RORA: variants seen among roughly 807,000 people sequenced by gnomAD.
RORA encodes the protein RAR related orphan receptor A.
RORA carries 7 observed loss-of-function variants against 69.5 expected under a neutral mutation model. The observed-to-expected ratio is 0.10, with a 90% confidence interval of 0.06 to 0.19. RORA has a LOEUF of 0.19. Among genes scored for constraint, RORA ranks in the 10% least tolerant of loss-of-function variants. The pLI, the probability that RORA is intolerant of heterozygous loss-of-function variation, is 1.00. For synonymous variants in RORA, 261 were observed against 240.8 expected, an observed-to-expected ratio of 1.08 and a Z score of -0.78; for missense variants, 457 against 663.0, an observed-to-expected ratio of 0.69 and a Z score of 3.41.
intron 1 of RORA, among the ~76,000 whole-genome samples, chr15:60,780,553 T>C (rs1453306483): frequency 5.9e-5 from 9 of 152,262 alleles, no homozygotes; most frequent in Admixed American, 2.6e-4. Context: ...GAGAAACTAT[T>C]TAAAAACAAG....
At chr15:60,885,754 T>A (rs991834046) in intron 1 of RORA, among the ~76,000 whole-genome samples, 3 of 152,264 alleles carry the variant, frequency 2.0e-5, no homozygotes, top group African/African-American at 7.2e-5. Flanking sequence ...TGCCATTTGC[T>A]CTGCAGTATA....
chr15:60,809,692 A>G (rs943863918), intron 1 of RORA, among the ~76,000 whole-genome samples: 2 of 152,030 alleles, frequency 1.3e-5, no homozygotes, highest in African/African-American at 2.4e-5. Context: ...GGTTGGATCA[A>G]TATTCTGTGC....
chr15:60,738,734 C>T (rs1050853196), intron 1 of RORA, among the ~76,000 whole-genome samples: 1 of 152,214 alleles, frequency 6.6e-6, no homozygotes, highest in Non-Finnish European at 1.5e-5. Flanking sequence ...GAACAAAGTT[C>T]CACTCACTGG....
At chr15:61,088,023 C>A (rs1180050597) in intron 1 of RORA, among the ~76,000 whole-genome samples, 1 of 152,232 alleles carries the variant, frequency 6.6e-6, no homozygotes, top group Non-Finnish European at 1.5e-5. Flanking sequence ...CAGTTTGAAA[C>A]CCCACTCTTG....
intron 1 of RORA, among the ~76,000 whole-genome samples, chr15:60,782,081 C>T (rs2072270265): frequency 6.6e-6 from 1 of 152,136 alleles, no homozygotes; most frequent in African/African-American, 2.4e-5. Context: ...AGAAATTAGT[C>T]AGGCGTGGTG....
Position 61,229,207 on chromosome 15 carries a change from A to C in RORA, c.12T>G (p.Ala4=), listed in dbSNP as rs2080178564. The part of the protein sequence containing the change: MES[A]PAAPDPAASE... Reference sequence around the variant, plus strand: ...TGGCGGCGGGGTCGGGGGCTGCCGGAGCTGACTCCATGTTTTTTCCCAATG... The same window carrying C: ...TGGCGGCGGGGTCGGGGGCTGCCGGCGCTGACTCCATGTTTTTTCCCAATG... The change falls in exon 1 of 11, where the codon GCT becomes GCG. Residue 4 remains alanine (A), a synonymous_variant. Transcript: ENST00000335670. 6.8e-7 allele frequency: 1 copy of C among 1,464,688 alleles called. No individual in the cohort carries two copies. Among genetic ancestry groups the C allele is most frequent in the Non-Finnish European group, 9.1e-7 (1 of 1,101,382 alleles). 90.7% of individuals were successfully genotyped at this position (1,464,688 alleles called of 1,614,324 possible). A position where few individuals can be genotyped will look rare whatever the true frequency, so the allele number is the denominator to read the frequency against.
At chr15:60,728,667 C>T (rs1327592439) in intron 1 of RORA, among the ~76,000 whole-genome samples, 1 of 152,120 alleles carries the variant, frequency 6.6e-6, no homozygotes, top group Non-Finnish European at 1.5e-5. Flanking sequence ...GTAAAACACA[C>T]TAAAAGGATC....
Position 61,120,787 on chromosome 15 carries a change from C to T in RORA, c.166+108266G>A, listed in dbSNP as rs561387312. 4.8e-4 allele frequency among the ~76,000 whole-genome samples: 72 copies of T among 150,484 alleles called. 1 individual carries two copies. In the South Asian group the frequency reaches 6.9e-3, roughly 14 times the overall value. On this transcript the variant is annotated intron_variant, in intron 1 of 10. Transcript: ENST00000335670. Reference sequence around the variant, plus strand: ...AAGCCTTAGATTCCACTATATACTACGGAGAAATTAACAAAAACAACTAAA... The same window carrying T: ...AAGCCTTAGATTCCACTATATACTATGGAGAAATTAACAAAAACAACTAAA...
At chr15:60,799,979 T>C (rs1243207206) in intron 1 of RORA, among the ~76,000 whole-genome samples, 1 of 152,208 alleles carries the variant, frequency 6.6e-6, no homozygotes, top group Non-Finnish European at 1.5e-5. Context: ...CTGTTTCCTA[T>C]AGAGGGCTGC....
At chr15:60,710,784 G>T (rs1263862728) in intron 1 of RORA, among the ~76,000 whole-genome samples, 1 of 152,148 alleles carries the variant, frequency 6.6e-6, no homozygotes, top group Non-Finnish European at 1.5e-5. Context: ...TGAAAAGCAG[G>T]GCTCTGCTTA....
At chr15:61,109,832 C>T (rs2078986503) in intron 1 of RORA, among the ~76,000 whole-genome samples, 1 of 152,152 alleles carries the variant, frequency 6.6e-6, no homozygotes, top group Admixed American at 6.5e-5. Flanking sequence ...ATTATAGTAT[C>T]TGAGAGCTTG....
intron 2 of RORA, among the ~76,000 whole-genome samples, chr15:60,543,491 TTTC>T (rs1489103968): frequency 6.6e-6 from 1 of 152,128 alleles, no homozygotes; most frequent in African/African-American, 2.4e-5. Flanking sequence ...GTCTTTTTTT[TTTC>T]TTTAGACAGG....
intron 1 of RORA, among the ~76,000 whole-genome samples, chr15:60,948,624 A>G (rs1892978248): frequency 6.6e-6 from 1 of 152,262 alleles, no homozygotes; most frequent in South Asian, 2.1e-4. Context: ...ATTTTCTCCT[A>G]TTTTAAAGAT....
Position 60,497,239 on chromosome 15 carries a change from G to A in RORA, c.*216C>T. 2.0e-6 allele frequency: 1 copy of A among 502,086 alleles called. No homozygotes were observed. The highest frequency in any genetic ancestry group is 3.5e-6 in the Non-Finnish European group (1 of 282,696). 31.1% of individuals were successfully genotyped at this position (502,086 alleles called of 1,614,324 possible). ...CAAGACAGAAAAAGGGTCCATATCT[G>A]TAGGCATAATGGAAATCATATGCAT... On this transcript the variant is annotated 3_prime_UTR_variant, in exon 11 of 11. Transcript: ENST00000335670.
chr15:60,519,056 T>C (rs772892743), intron 3 of RORA, among the ~76,000 whole-genome samples: 1 of 152,226 alleles, frequency 6.6e-6, no homozygotes, highest in Non-Finnish European at 1.5e-5. Context: ...TAATCTCTCA[T>C]TGTGCCTAAT....
intron 2 of RORA, among the ~76,000 whole-genome samples, chr15:60,541,112 AG>A (rs1283366727): frequency 6.6e-6 from 1 of 152,232 alleles, no homozygotes; most frequent in African/African-American, 2.4e-5. Context: ...CAAATTATTT[AG>A]GCTTGCCAGA....
At chr15:60,966,094 G>A (rs1001285331) in intron 1 of RORA, among the ~76,000 whole-genome samples, 6 of 152,112 alleles carry the variant, frequency 3.9e-5, no homozygotes, top group African/African-American at 9.7e-5. Context: ...GGAAGGGTCT[G>A]TTCTAAGCCT....
chr15:60,641,950 C>G (rs867743377), intron 2 of RORA, among the ~76,000 whole-genome samples: 4 of 152,108 alleles, frequency 2.6e-5, no homozygotes, highest in Admixed American at 2.0e-4. Flanking sequence ...AAATTTGGTA[C>G]CTTTAAGTAG....
intron 1 of RORA, among the ~76,000 whole-genome samples, chr15:60,748,117 T>G (rs1456873169): frequency 6.6e-6 from 1 of 152,188 alleles, no homozygotes; most frequent in African/African-American, 2.4e-5. Context: ...TTGCTGCACA[T>G]CCTTTGCCAT....
Sources: allele counts gnomAD v4.1 joint callset (sites outside exome capture counted in the v4.1 genomes callset), GRCh38; gene constraint gnomAD v4.1.1; transcripts MANE v1.5; gene names NCBI Gene and HGNC (gene_info 2026-07-23, HGNC 2026-07-21).